The following GABRB1 variants were observed in gnomAD, a reference collection of about 807,000 sequenced individuals.
GABRB1 encodes the protein gamma-aminobutyric acid type A receptor subunit beta1.
Under a neutral mutation model 51.6 loss-of-function variants are expected in GABRB1, and 17 were observed. The ratio of observed to expected loss-of-function variants is 0.33; its 90% CI spans 0.23 to 0.49. The LOEUF (loss-of-function observed/expected upper bound fraction) is 0.49, where lower values mean the gene tolerates loss of function less well. GABRB1 is among the 20% of genes least tolerant of loss of function. GABRB1 has a pLI of 0.99. For synonymous variants in GABRB1, 247 were observed against 218.9 expected (o/e 1.13, Z -1.14); for missense variants, 410 against 600.6 (o/e 0.68, Z 3.32).
At chr4:47,152,535 A>G (rs748624126) in intron 3 of GABRB1, among the ~76,000 whole-genome samples, 1 of 152,024 alleles carries the variant, frequency 6.6e-6, no homozygotes, top group Non-Finnish European at 1.5e-5. Context: ...TGCTCTCTCC[A>G]TGGTGAGCTA....
intron 3 of GABRB1, among the ~76,000 whole-genome samples, chr4:47,136,571 A>G (rs925812175): frequency 5.3e-5 from 8 of 152,130 alleles, no homozygotes; most frequent in Non-Finnish European, 8.8e-5. Context: ...AAATTTGTCT[A>G]GAAGATCAAG....
intron 3 of GABRB1, among the ~76,000 whole-genome samples, chr4:47,127,120 T>C (rs1364766156): frequency 6.6e-6 from 1 of 151,792 alleles, no homozygotes; most frequent in African/African-American, 2.4e-5. Context: ...CCTATTTAAA[T>C]CCCTCCTTAT....
intron 3 of GABRB1, among the ~76,000 whole-genome samples, chr4:47,114,282 A>G (rs1373688968): frequency 6.6e-6 from 1 of 152,184 alleles, no homozygotes; most frequent in Non-Finnish European, 1.5e-5. Flanking sequence ...GAATGCACGC[A>G]GGGTTTGAGA....
intron 5 of GABRB1, among the ~76,000 whole-genome samples, chr4:47,339,567 G>GTGTA (rs1369191717): frequency 1.3e-5 from 2 of 150,384 alleles, no homozygotes; most frequent in African/African-American, 5.0e-5. Context: ...GTGTGTGTGT[G>GTGTA]TGTAATGCTT....
intron 4 of GABRB1, among the ~76,000 whole-genome samples, chr4:47,187,046 T>C (rs551397596): frequency 2.0e-5 from 3 of 152,030 alleles, no homozygotes; most frequent in African/African-American, 4.8e-5. Context: ...CTAGTAAATA[T>C]TGGAAGCAGT....
At chr4:47,367,706 A>G (rs115380825) in intron 5 of GABRB1, among the ~76,000 whole-genome samples, 1,961 of 152,258 alleles carry the variant, frequency 0.013, 43 homozygotes, top group African/African-American at 0.045. Flanking sequence ...ATTGCCCTGT[A>G]TATTAGGTGG....
At chr4:47,320,711 A>G (rs1725049437) in intron 5 of GABRB1, among the ~76,000 whole-genome samples, 1 of 151,718 alleles carries the variant, frequency 6.6e-6, no homozygotes, top group East Asian at 1.9e-4. Flanking sequence ...AAGTCTAGTG[A>G]CTAATTTTCG....
At chr4:47,371,048 C>T (rs1225777773) in intron 5 of GABRB1, among the ~76,000 whole-genome samples, 1 of 152,064 alleles carries the variant, frequency 6.6e-6, no homozygotes, top group South Asian at 2.1e-4. Flanking sequence ...AGGTAGTAAG[C>T]CCAGCTTCCG....
intron 5 of GABRB1, among the ~76,000 whole-genome samples, chr4:47,402,249 G>A (rs1728421389): frequency 6.6e-6 from 1 of 152,132 alleles, no homozygotes; most frequent in South Asian, 2.1e-4. Flanking sequence ...TTTATCTCTT[G>A]AAAAGGTATT....
Position 47,281,060 on chromosome 4 carries a change from A to C in GABRB1, c.462-39067A>C, listed in dbSNP as rs191037127. 1.8e-3 allele frequency among the ~76,000 whole-genome samples: 279 copies of C among 152,194 alleles called. 2 individuals carry two copies. Among genetic ancestry groups the C allele is most frequent in the Middle Eastern group, 0.017 (5 of 294 alleles). On this transcript the variant is annotated intron_variant, in intron 4 of 8. Transcript: ENST00000295454. ...TTTCATTCCATTTCTTTCTGGGCTG[A>C]ACAGCTTCTGCACAGCAAAGTAAAC... is the stretch of plus-strand genomic sequence containing the variant.
At chr4:47,085,689 A>G (rs544583413) in intron 3 of GABRB1, among the ~76,000 whole-genome samples, 7 of 152,352 alleles carry the variant, frequency 4.6e-5, no homozygotes, top group African/African-American at 1.7e-4. Context: ...TCTTAAAACA[A>G]TGATGATTTT....
chr4:47,100,304 A>G (rs553444049), intron 3 of GABRB1, among the ~76,000 whole-genome samples: 102 of 152,172 alleles, frequency 6.7e-4, no homozygotes, highest in Non-Finnish European at 1.2e-3. Context: ...AACGACTGAC[A>G]GATTTCAAAA....
chr4:47,263,742 A>G (rs1228694872), intron 4 of GABRB1, among the ~76,000 whole-genome samples: 1 of 152,250 alleles, frequency 6.6e-6, no homozygotes, highest in Non-Finnish European at 1.5e-5. Flanking sequence ...AAATGAAAGG[A>G]CACTGAGTTT....
chr4:47,385,582 A>G (rs1407224888), intron 5 of GABRB1, among the ~76,000 whole-genome samples: 1 of 152,154 alleles, frequency 6.6e-6, no homozygotes, highest in Non-Finnish European at 1.5e-5. Context: ...TCTGACACCA[A>G]ATGTTTGGGT....
intron 4 of GABRB1, among the ~76,000 whole-genome samples, chr4:47,187,112 CA>C (rs1380809044): frequency 6.6e-6 from 1 of 151,692 alleles, no homozygotes; most frequent in Non-Finnish European, 1.5e-5. Flanking sequence ...GCACTGTACT[CA>C]AAACTTCTTT....
intron 4 of GABRB1, among the ~76,000 whole-genome samples, chr4:47,190,256 T>C (rs1454892304): frequency 6.6e-6 from 1 of 152,132 alleles, no homozygotes; most frequent in Non-Finnish European, 1.5e-5. Context: ...TGTCATAAGA[T>C]GTGTATCCCA....
intron 1 of GABRB1, among the ~76,000 whole-genome samples, chr4:47,005,004 T>C (rs1724342953): frequency 6.6e-6 from 1 of 152,126 alleles, no homozygotes; most frequent in African/African-American, 2.4e-5. Flanking sequence ...TGCAATCACC[T>C]AGATGGAGAG....
chr4:47,118,950 G>A (rs1308628525), intron 3 of GABRB1, among the ~76,000 whole-genome samples: 1 of 152,092 alleles, frequency 6.6e-6, no homozygotes, highest in Non-Finnish European at 1.5e-5. Flanking sequence ...ATATTAAAAT[G>A]GGTAGAAATG....
At chr4:47,052,889 A>G in intron 3 of GABRB1, among the ~76,000 whole-genome samples, 1 of 152,224 alleles carries the variant, frequency 6.6e-6, no homozygotes, top group East Asian at 1.9e-4. Flanking sequence ...GATGAGTACA[A>G]GTTTAGTGCT....
Sources: gnomAD v4.1 joint callset for allele counts (sites outside exome capture counted in the v4.1 genomes callset) on GRCh38, gnomAD v4.1.1 for gene constraint, MANE v1.5 for transcripts, NCBI Gene and HGNC (gene_info 2026-07-23, HGNC 2026-07-21) for gene names.